Variants in NDST4 observed in about 807,000 individuals in gnomAD.
NDST4 encodes the protein N-heparan sulfate sulfotransferase 4.
NDST4 carries 63 observed loss-of-function variants against 100.8 expected under a neutral mutation model. The ratio of observed to expected loss-of-function variants is 0.62; its 90% CI spans 0.51 to 0.77. NDST4 has a LOEUF of 0.77. Among genes scored for constraint, NDST4 ranks in the 30% least tolerant of loss-of-function variants. The pLI is 0.00. For missense variants in NDST4, 943 were observed against 1,018.4 expected, an observed-to-expected ratio of 0.93 and a Z score of 1.01; for synonymous variants, 377 against 361.8, an observed-to-expected ratio of 1.04 and a Z score of -0.48.
intron 6 of NDST4, among the ~76,000 whole-genome samples, chr4:114,871,995 G>C (rs1019646049): frequency 6.6e-6 from 1 of 151,852 alleles, no homozygotes; most frequent in Non-Finnish European, 1.5e-5. Context: ...TAGAAGAAAA[G>C]TCAAGTGTCT....
intron 1 of NDST4, among the ~76,000 whole-genome samples, chr4:115,078,770 G>A (rs1271712841): frequency 6.6e-6 from 1 of 152,006 alleles, no homozygotes; most frequent in Non-Finnish European, 1.5e-5. Flanking sequence ...AACCCGGGAG[G>A]CGGAAGATGC....
chr4:115,035,329 A>C lies in NDST4; in HGVS notation c.978+40730T>G, dbSNP rs188311647. On this transcript the variant is annotated intron_variant, in intron 2 of 13. Transcript: ENST00000264363. ...AAATTGCATCAGATAGAATTTCATT[A>C]TGTGACTGAAAAGAACAGAAAACAA... Among the ~76,000 whole-genome samples the C allele has an allele frequency of 1.7e-3, 260 of 152,240 alleles. 1 individual carries two copies. Among genetic ancestry groups the C allele is most frequent in the African/African-American group, 6.0e-3 (251 of 41,578 alleles).
At chr4:114,932,877 T>G (rs1376053054) in intron 6 of NDST4, among the ~76,000 whole-genome samples, 2 of 152,056 alleles carry the variant, frequency 1.3e-5, no homozygotes, top group African/African-American at 4.8e-5. Context: ...GAATTAATAG[T>G]GTTAAAATAT....
intron 1 of NDST4, among the ~76,000 whole-genome samples, chr4:115,090,039 T>C (rs1029666019): frequency 2.0e-5 from 3 of 151,894 alleles, no homozygotes; most frequent in Non-Finnish European, 4.4e-5. Context: ...CATGCAGTAT[T>C]ATTGCAGTAT....
rs1387375805 is a variant in NDST4 at position 114,978,482 on chromosome 4, AT to A, written c.979-1209del. ...GTGTTATCATGTTCAACATTATTAAATATTATCAACTAAGTAGACAAAGGCA... is the reference window on the plus strand; with the variant it reads ...GTGTTATCATGTTCAACATTATTAAAATTATCAACTAAGTAGACAAAGGCA... On this transcript the variant is annotated intron_variant, in intron 2 of 13. Transcript: ENST00000264363. 5.3e-5 allele frequency among the ~76,000 whole-genome samples: 8 copies of A among 152,224 alleles called. No homozygotes were observed. In the East Asian group the frequency reaches 1.5e-3, roughly 29 times the overall value.
chr4:115,019,264 A>G (rs2126263921), intron 2 of NDST4, among the ~76,000 whole-genome samples: 1 of 152,216 alleles, frequency 6.6e-6, no homozygotes, highest in South Asian at 2.1e-4. Context: ...AAAATATACT[A>G]TTATAAAAAA....
chr4:114,864,738 G>C (rs1723988713), intron 7 of NDST4, among the ~76,000 whole-genome samples: 1 of 152,122 alleles, frequency 6.6e-6, no homozygotes, highest in African/African-American at 2.4e-5. Context: ...ACTCACTACA[G>C]AACTCCTGTA....
intron 4 of NDST4, among the ~76,000 whole-genome samples, chr4:114,941,801 T>C (rs1362996934): frequency 6.6e-6 from 1 of 152,176 alleles, no homozygotes; most frequent in African/African-American, 2.4e-5. Flanking sequence ...CATGAGTCCT[T>C]CCAAAGATTT....
chr4:114,856,316 G>C (rs1258565906), intron 7 of NDST4, among the ~76,000 whole-genome samples: 2 of 152,026 alleles, frequency 1.3e-5, no homozygotes, highest in Admixed American at 1.3e-4. Flanking sequence ...CTCTGGACTT[G>C]GGCTCCCAAG....
intron 6 of NDST4, among the ~76,000 whole-genome samples, chr4:114,905,199 A>G (rs890685673): frequency 3.5e-4 from 53 of 151,104 alleles, no homozygotes; most frequent in African/African-American, 1.2e-3. Flanking sequence ...TAGTTAATAT[A>G]CTGCCCTATA....
chr4:115,112,414 T>C (rs956299308), intron 1 of NDST4, among the ~76,000 whole-genome samples: 2 of 151,934 alleles, frequency 1.3e-5, no homozygotes, highest in Non-Finnish European at 2.9e-5. Context: ...ATGCAATTTA[T>C]GTTAAAGCAT....
At chr4:115,016,088 C>T (rs1350074830) in intron 2 of NDST4, among the ~76,000 whole-genome samples, 2 of 152,006 alleles carry the variant, frequency 1.3e-5, no homozygotes, top group African/African-American at 4.8e-5. Flanking sequence ...CATGTTAATC[C>T]ATCAATTATT....
Position 115,068,028 on chromosome 4 carries a change from A to G in NDST4, c.978+8031T>C, listed in dbSNP as rs545251524. Among the ~76,000 whole-genome samples, 12 of 151,878 alleles carry G rather than the reference A, an allele frequency of 7.9e-5. No homozygotes were observed. In the East Asian group the frequency reaches 2.3e-3, roughly 30 times the overall value. On this transcript the variant is annotated intron_variant, in intron 2 of 13. Coordinates refer to ENST00000264363, the MANE Select transcript of NDST4 (RefSeq NM_022569.3). ...TTGTCCTTGTGATAGTTTGCTGAGA[A>G]TGATGGTTTCCAGCTTCATCCATGT...
At chr4:114,984,663 G>T (rs1314508979) in intron 2 of NDST4, among the ~76,000 whole-genome samples, 3 of 152,002 alleles carry the variant, frequency 2.0e-5, no homozygotes, top group Non-Finnish European at 4.4e-5. Context: ...TTTATGGAAA[G>T]ATTAAATAGT....
At chr4:115,044,741 G>T (rs753556240) in intron 2 of NDST4, among the ~76,000 whole-genome samples, 7 of 148,158 alleles carry the variant, frequency 4.7e-5, no homozygotes, top group Non-Finnish European at 7.4e-5. Context: ...AAGAACATCA[G>T]ATATTGGGGT....
chr4:114,972,804 C>T (rs892212795), intron 3 of NDST4, among the ~76,000 whole-genome samples: 3 of 152,006 alleles, frequency 2.0e-5, no homozygotes, highest in Non-Finnish European at 4.4e-5. Flanking sequence ...GCACATAATG[C>T]ACACTTGACC....
At chr4:114,834,369 C>A (rs1278939474) in intron 11 of NDST4, among the ~76,000 whole-genome samples, 1 of 151,998 alleles carries the variant, frequency 6.6e-6, no homozygotes, top group Non-Finnish European at 1.5e-5. Flanking sequence ...CAAAAATTAG[C>A]CAGTCATGGT....
chr4:114,843,541 C>T (rs1032184399), intron 10 of NDST4, among the ~76,000 whole-genome samples: 2 of 152,148 alleles, frequency 1.3e-5, no homozygotes, highest in African/African-American at 4.8e-5. Context: ...TTTCTTCACC[C>T]CTAATTACTT....
At chr4:115,001,404 C>T (rs966830113) in intron 2 of NDST4, among the ~76,000 whole-genome samples, 1 of 151,904 alleles carries the variant, frequency 6.6e-6, no homozygotes, top group Non-Finnish European at 1.5e-5. Context: ...GAGAGCACAA[C>T]CATTAGTTTC....
Sources: allele counts gnomAD v4.1 joint callset (sites outside exome capture counted in the v4.1 genomes callset), GRCh38; gene constraint gnomAD v4.1.1; transcripts MANE v1.5; gene names NCBI Gene and HGNC (gene_info 2026-07-23, HGNC 2026-07-21).